Variants in PPP2R2D observed in about 807,000 individuals in gnomAD.
The protein encoded by PPP2R2D is protein phosphatase 2 regulatory subunit Bdelta.
Under a neutral mutation model 31.1 loss-of-function variants are expected in PPP2R2D, and 9 were observed. That is an observed-to-expected ratio of 0.29 (90% CI 0.17 to 0.51). PPP2R2D has a LOEUF of 0.51. PPP2R2D is among the 20% of genes least tolerant of loss of function. PPP2R2D has a pLI of 0.98. For synonymous variants in PPP2R2D, 179 were observed against 172.6 expected (o/e 1.04, Z -0.29); for missense variants, 391 against 465.6 (o/e 0.84, Z 1.48).
At chr10:131,929,107 C>G (rs2036160317) in intron 2 of PPP2R2D, among the ~76,000 whole-genome samples, 1 of 152,210 alleles carries the variant, frequency 6.6e-6, no homozygotes, top group Admixed American at 6.5e-5. Flanking sequence ...CCCAGACGGC[C>G]TTGTCATTGC....
intron 3 of PPP2R2D, among the ~76,000 whole-genome samples, chr10:131,936,285 A>G (rs1554896472): frequency 1.3e-5 from 2 of 151,424 alleles, no homozygotes. Context: ...AGTCGCTGGG[A>G]TTACAGGCAT....
At chr10:131,902,011 C>T (rs1181670799) in intron 2 of PPP2R2D, among the ~76,000 whole-genome samples, 9 of 152,168 alleles carry the variant, frequency 5.9e-5, no homozygotes, top group African/African-American at 1.9e-4. Flanking sequence ...TTAAATCATA[C>T]TCTCAAATTG....
At chr10:131,940,289 C>T in intron 4 of PPP2R2D, 93 bp downstream of exon 4, 2 of 554,518 alleles carry the variant, frequency 3.6e-6, no homozygotes, top group South Asian at 5.7e-5. Context: ...AGAAGTTATT[C>T]CTGCTTTAAA....
At chr10:131,904,689 C>T (rs948693164) in intron 2 of PPP2R2D, among the ~76,000 whole-genome samples, 1 of 152,192 alleles carries the variant, frequency 6.6e-6, no homozygotes, top group Non-Finnish European at 1.5e-5. Flanking sequence ...TACAGCCCTG[C>T]ACTCTGGCCG....
chr10:131,927,333 G>A (rs1285695024), intron 2 of PPP2R2D, among the ~76,000 whole-genome samples: 1 of 152,144 alleles, frequency 6.6e-6, no homozygotes, highest in Non-Finnish European at 1.5e-5. Flanking sequence ...GAGAGGGCCT[G>A]GGAGAAGCTG....
At chr10:131,967,268 G>A in the PPP2R2D span, 3 of 152,192 alleles carry the variant, frequency 2.0e-5, no homozygotes, top group African/African-American at 7.2e-5. Context: ...GGTGACCAGG[G>A]GGTTCACTGA....
chr10:131,941,201 TTTAA>T (rs1554897184), intron 5 of PPP2R2D, among the ~76,000 whole-genome samples: 1 of 152,256 alleles, frequency 6.6e-6, no homozygotes. Flanking sequence ...TCATTACTTT[TTTAA>T]TTGTTAAATT....
chr10:131,950,195 C>CA (rs782428680), intron 8 of PPP2R2D, among the ~76,000 whole-genome samples: 28 of 152,086 alleles, frequency 1.8e-4, no homozygotes, highest in Admixed American at 1.4e-3. Flanking sequence ...AAACAGAAAA[C>CA]AAGAGACACT....
the PPP2R2D span, chr10:131,968,401 G>C: frequency 1.3e-6 from 1 of 787,884 alleles, no homozygotes; most frequent in African/African-American, 1.7e-5. Context: ...TAGGAACGCA[G>C]CATTTACAGA....
intron 8 of PPP2R2D, among the ~76,000 whole-genome samples, chr10:131,953,627 C>A (rs373181120): frequency 2.5e-4 from 32 of 129,568 alleles, no homozygotes; most frequent in Admixed American, 6.3e-4. Context: ...TAGTGACTTG[C>A]GGGTGTGCAG....
intron 2 of PPP2R2D, among the ~76,000 whole-genome samples, chr10:131,930,887 C>T (rs1564817375): frequency 2.0e-5 from 3 of 152,216 alleles, no homozygotes; most frequent in Admixed American, 6.5e-5. Context: ...TCCTGTCATC[C>T]ATGTCTTTCT....
intron 2 of PPP2R2D, among the ~76,000 whole-genome samples, chr10:131,904,859 GAA>G (rs1159780367): frequency 2.4e-4 from 36 of 152,176 alleles, no homozygotes; most frequent in African/African-American, 8.4e-4. Flanking sequence ...GAGTGACATA[GAA>G]AAGCCTTTGG....
At chr10:131,904,455 A>G (rs2035551005) in intron 2 of PPP2R2D, among the ~76,000 whole-genome samples, 1 of 151,864 alleles carries the variant, frequency 6.6e-6, no homozygotes, top group Non-Finnish European at 1.5e-5. Flanking sequence ...GCTTGCAGTG[A>G]GCCGAGATCG....
At chr10:131,924,903 A>G (rs1554894704) in intron 2 of PPP2R2D, among the ~76,000 whole-genome samples, 1 of 151,894 alleles carries the variant, frequency 6.6e-6, no homozygotes, top group Admixed American at 6.6e-5. Context: ...CTAAGTATTT[A>G]TTCTTTTTGA....
intron 8 of PPP2R2D, among the ~76,000 whole-genome samples, chr10:131,952,147 A>G (rs1189540986): frequency 6.3e-4 from 50 of 78,746 alleles, no homozygotes; most frequent in Middle Eastern, 0.014. Flanking sequence ...GGGGGGGTTC[A>G]CTGTCTTAGC....
At chr10:131,905,520 C>A (rs922175155) in intron 2 of PPP2R2D, among the ~76,000 whole-genome samples, 10 of 152,328 alleles carry the variant, frequency 6.6e-5, no homozygotes, top group Admixed American at 2.0e-4. Flanking sequence ...TGGCTGTCCC[C>A]CTTCCCACCC....
intron 6 of PPP2R2D, among the ~76,000 whole-genome samples, 163 bp downstream of exon 6, chr10:131,944,308 C>T (rs750571886): frequency 2.6e-5 from 4 of 152,126 alleles, no homozygotes; most frequent in Non-Finnish European, 5.9e-5. Flanking sequence ...AATGTTTGTC[C>T]CTAAAAATAC....
Position 131,940,214 on chromosome 10 carries a change from A to G in PPP2R2D, c.364+18A>G. On this transcript the variant is annotated intron_variant, in intron 4 of 8. Transcript: ENST00000455566. ...TACAAATGGTAAGAATTGTGTTCTA[A>G]GTGGCTGTTTGATTTAGTTTTTTAT... 1 of 670,330 alleles carries G rather than the reference A, an allele frequency of 1.5e-6. No homozygotes were observed. The highest frequency in any genetic ancestry group is 2.5e-4 in the Middle Eastern group (1 of 3,996). The allele number at this position is 670,330 out of a possible 1,614,324, so 41.5% of individuals were successfully genotyped here.
intron 2 of PPP2R2D, among the ~76,000 whole-genome samples, chr10:131,929,493 A>G (rs1316372324): frequency 2.0e-5 from 3 of 152,174 alleles, no homozygotes; most frequent in Non-Finnish European, 4.4e-5. Context: ...ACTGGGAGGC[A>G]GGCCTGCATT....
Sources: allele counts gnomAD v4.1 joint callset (sites outside exome capture counted in the v4.1 genomes callset), GRCh38; gene constraint gnomAD v4.1.1; transcripts MANE v1.5; gene names NCBI Gene and HGNC (gene_info 2026-07-23, HGNC 2026-07-21).